Variants in KIF1A observed in about 807,000 individuals in gnomAD.
The protein encoded by KIF1A is kinesin-like protein KIF1A.
Under a neutral mutation model 227.3 loss-of-function variants are expected in KIF1A, and 46 were observed. That is an observed-to-expected ratio of 0.20 (90% CI 0.16 to 0.26). The LOEUF (loss-of-function observed/expected upper bound fraction) is 0.26. KIF1A is among the 10% of genes least tolerant of loss of function. The pLI is 1.00. For synonymous variants in KIF1A, 1,022 were observed against 1,012.8 expected (o/e 1.01, Z -0.17); for missense variants, 1,683 against 2,485.9 (o/e 0.68, Z 6.87).
intron 7 of KIF1A, 46 bp downstream of exon 7, chr2:240,784,943 C>T (rs1422963547): frequency 1.3e-6 from 2 of 1,504,176 alleles, no homozygotes; most frequent in Non-Finnish European, 1.9e-6. Flanking sequence ...ACCCTGACCA[C>T]CAGCCACTGC....
chr2:240,729,348 C>T (rs2046362551), intron 38 of KIF1A, among the ~76,000 whole-genome samples: 1 of 152,200 alleles, frequency 6.6e-6, no homozygotes, highest in African/African-American at 2.4e-5. Context: ...CTGCCCCTCA[C>T]CCCTGGGCCC....
At chr2:240,741,123 C>T (rs2047903308) in intron 35 of KIF1A, 146 bp downstream of exon 35, 2 of 605,562 alleles carry the variant, frequency 3.3e-6, no homozygotes, top group Non-Finnish European at 5.9e-6. Context: ...CTAGATGAGG[C>T]CGGGCCCACA....
chr2:240,785,124 G>A (rs746095270), intron 6 of KIF1A, 24 bp from the exon 7 acceptor site: 37 of 1,584,496 alleles, frequency 2.3e-5, no homozygotes, highest in Admixed American at 5.0e-5. Flanking sequence ...AGCCACGCAC[G>A]GTTACCCCTC....
intron 32 of KIF1A, among the ~76,000 whole-genome samples, chr2:240,745,076 T>C (rs950375238): frequency 5.3e-5 from 8 of 151,986 alleles, no homozygotes; most frequent in Non-Finnish European, 7.4e-5. Context: ...TGGCCCTGCC[T>C]CCTTCCCATT....
chr2:240,785,131 C>G (rs761172719), intron 6 of KIF1A, 31 bp from the exon 7 acceptor site: 5 of 1,568,086 alleles, frequency 3.2e-6, no homozygotes, highest in Non-Finnish European at 4.4e-6. Context: ...CACGGTTACC[C>G]CTCGTCCTGT....
rs149850515 is a variant in KIF1A, at chr2:240,781,838, C to T, written c.882+752G>A. 6.1e-6 allele frequency: 6 copies of T among 985,390 alleles called. No individual in the cohort carries two copies. In the South Asian group the frequency reaches 2.3e-4, roughly 39 times the overall value. 61.0% of individuals were successfully genotyped at this position (985,390 alleles called of 1,614,324 possible). A position where few individuals can be genotyped will look rare whatever the true frequency, so the allele number is the denominator to read the frequency against. On this transcript the variant is annotated intron_variant, in intron 10 of 48. Coordinates refer to ENST00000498729, the MANE Select transcript of KIF1A (RefSeq NM_001244008.2). ...CGTTCTCCACAGTTCCCCACTCAGT[C>T]CACACGCCTTCTCCCAGTTCTTCCT... is the stretch of plus-strand genomic sequence containing the variant.
intron 1 of KIF1A, among the ~76,000 whole-genome samples, chr2:240,800,105 G>GACACACACACACACACACAC (rs3220094): frequency 7.0e-6 from 1 of 142,960 alleles, no homozygotes; most frequent in Non-Finnish European, 1.5e-5. Flanking sequence ...GTCCAAAGCA[G>GACACACACACACACACACAC]ACACACACAC....
intron 31 of KIF1A, 100 bp downstream of exon 31, chr2:240,745,638 A>G: frequency 4.0e-6 from 6 of 1,508,914 alleles, no homozygotes; most frequent in Non-Finnish European, 5.4e-6. Flanking sequence ...GGGCCAACAC[A>G]GCACCAACAT....
At chr2:240,805,713 T>G (rs1474653088) in intron 1 of KIF1A, among the ~76,000 whole-genome samples, 2 of 152,188 alleles carry the variant, frequency 1.3e-5, no homozygotes, top group African/African-American at 4.8e-5. Context: ...ATTTACAATA[T>G]TTTACCATGT....
Position 240,780,238 on chromosome 2 carries a change from C to T in KIF1A, c.882+2352G>A, listed in dbSNP as rs935859532. On this transcript the variant is annotated intron_variant, in intron 10 of 48. Coordinates refer to ENST00000498729, the MANE Select transcript of KIF1A (RefSeq NM_001244008.2). ...TTTCTCCCAGCCCAGCACCGCTCCC[C>T]GAGCAGCTGCATGGCTCCTCGGCGT... 2.6e-5 allele frequency among the ~76,000 whole-genome samples: 4 copies of T among 152,038 alleles called. No homozygotes were observed. The South Asian group carries it at 6.2e-4, about 24-fold the overall frequency.
At chr2:240,772,474 C>T in intron 14 of KIF1A, 96 bp downstream of exon 14, 1 of 1,053,260 alleles carries the variant, frequency 9.5e-7, no homozygotes. Flanking sequence ...GAGCAGGTAC[C>T]CTGGGGTTCA....
chr2:240,750,772 G>A (rs2049117135), intron 27 of KIF1A, among the ~76,000 whole-genome samples: 1 of 152,074 alleles, frequency 6.6e-6, no homozygotes, highest in Non-Finnish European at 1.5e-5. Flanking sequence ...GACGAGGAAT[G>A]AGCTGCGGAG....
At position 240,793,260 on chromosome 2, in the gene KIF1A, C is replaced by T. The variant is rs1306516351; in HGVS notation, c.107-3948G>A. Among the ~76,000 whole-genome samples, 1 of 152,212 alleles carries T rather than the reference C, an allele frequency of 6.6e-6. No homozygotes were observed. Among genetic ancestry groups the T allele is most frequent in the East Asian group, 1.9e-4 (1 of 5,184 alleles). Reference sequence around the variant, plus strand: ...GATGAGAGGCCACCCAAACCCTGGGCCTCCTCTGCATGGCCAGAAGAGTGC... The same window carrying T: ...GATGAGAGGCCACCCAAACCCTGGGTCTCCTCTGCATGGCCAGAAGAGTGC... On this transcript the variant is annotated intron_variant, in intron 2 of 48. Coordinates refer to ENST00000498729, the MANE Select transcript of KIF1A (RefSeq NM_001244008.2). This position sits in a 1 kb window ranked among gnomAD's most constrained non-coding sequence, Gnocchi z 4.8.
At chr2:240,724,088 C>G in intron 40 of KIF1A, 52 bp from the exon 41 acceptor site, 16 of 1,506,990 alleles carry the variant, frequency 1.1e-5, no homozygotes, top group Non-Finnish European at 1.4e-5. Flanking sequence ...GCAACAGGGA[C>G]ACACAGCCAG....
intron 12 of KIF1A, 65 bp downstream of exon 12, chr2:240,774,118 A>G: frequency 9.4e-7 from 1 of 1,061,860 alleles, no homozygotes; most frequent in East Asian, 2.5e-5. Flanking sequence ...TAATTCAAGC[A>G]CGAGAGGATC....
In KIF1A at chr2:240,757,310, C is replaced by T; in HGVS notation, c.2858+9G>A. ...TCCTCCCCAGCATGCTCTCCTCGAC[C>T]TCACCAACCTTCCTACTAAACTGAA... On this transcript the variant is annotated intron_variant, in intron 27 of 48. Coordinates refer to ENST00000498729, the MANE Select transcript of KIF1A (RefSeq NM_001244008.2). This position sits in a 1 kb window ranked among gnomAD's most constrained non-coding sequence, Gnocchi z 6.2. The T allele has an allele frequency of 6.5e-7, 1 of 1,550,336 alleles. No homozygotes were observed. The highest frequency in any genetic ancestry group is 8.7e-7 in the Non-Finnish European group (1 of 1,146,828).
chr2:240,784,132 G>A (rs1312219226), intron 7 of KIF1A, among the ~76,000 whole-genome samples: 2 of 152,220 alleles, frequency 1.3e-5, no homozygotes, highest in Non-Finnish European at 2.9e-5. Context: ...AGGTGCGACT[G>A]TCACTGTCCC....
chr2:240,801,776 G>C (rs1048688650), intron 1 of KIF1A, among the ~76,000 whole-genome samples: 8 of 152,194 alleles, frequency 5.3e-5, no homozygotes, highest in Admixed American at 5.2e-4. Context: ...GCGTCTAGGA[G>C]CCAGAAAGCA....
At chr2:240,814,181 A>C (rs2058155598) in intron 1 of KIF1A, among the ~76,000 whole-genome samples, 1 of 152,046 alleles carries the variant, frequency 6.6e-6, no homozygotes, top group Non-Finnish European at 1.5e-5. Context: ...AGAGACCCTG[A>C]CTTCAGTGTG....
Sources: allele counts gnomAD v4.1 joint callset (sites outside exome capture counted in the v4.1 genomes callset), GRCh38; gene constraint gnomAD v4.1.1; non-coding constraint Gnocchi (gnomAD v3.1); transcripts MANE v1.5; gene names NCBI Gene and HGNC (gene_info 2026-07-23, HGNC 2026-07-21).